Variants in TNFSF4 observed in about 807,000 individuals in gnomAD.
TNFSF4 encodes the protein tumor necrosis factor ligand superfamily member 4.
TNFSF4 carries 4 observed loss-of-function variants against 7.3 expected under a neutral mutation model. The observed-to-expected ratio is 0.55, with a 90% CI of 0.27 to 1.25. The LOEUF (loss-of-function observed/expected upper bound fraction) is 1.25, where lower values mean the gene tolerates loss of function less well. Ranked by LOEUF, TNFSF4 falls within the 50% of genes most tolerant of loss-of-function variation. The pLI is 0.12. For missense variants in TNFSF4, 181 were observed against 208.8 expected (o/e 0.87, Z 0.82); for synonymous variants, 76 against 83.7 (o/e 0.91, Z 0.50).
At chr1:173,193,678 A>T (rs1348186244) in intron 1 of TNFSF4, among the ~76,000 whole-genome samples, 4 of 151,148 alleles carry the variant, frequency 2.6e-5, no homozygotes, top group African/African-American at 9.7e-5. Flanking sequence ...TGCCGTACAG[A>T]TGATTGGCAA....
the TNFSF4 span, among the ~76,000 whole-genome samples, chr1:173,316,792 A>C: frequency 2.3e-3 from 354 of 152,300 alleles, 2 homozygotes; most frequent in African/African-American, 7.9e-3. Context: ...TTACAAGGTC[A>C]TATTTCTTAA....
intron 1 of TNFSF4, among the ~76,000 whole-genome samples, chr1:173,196,688 C>T (rs1248572882): frequency 2.0e-5 from 3 of 152,132 alleles, no homozygotes; most frequent in African/African-American, 7.2e-5. Context: ...TCAAATCAAC[C>T]AAAAGTATCC....
chr1:173,334,394 C>T, the TNFSF4 span, among the ~76,000 whole-genome samples: 2 of 152,300 alleles, frequency 1.3e-5, no homozygotes, highest in African/African-American at 4.8e-5. Flanking sequence ...GCCACTTGAT[C>T]CTGTCAAGGT....
chr1:173,368,992 A>C, the TNFSF4 span, among the ~76,000 whole-genome samples: 2 of 152,124 alleles, frequency 1.3e-5, no homozygotes, highest in African/African-American at 4.8e-5. Context: ...AGATATAATT[A>C]TTGCCCAAAG....
At chr1:173,282,297 T>C in the TNFSF4 span, among the ~76,000 whole-genome samples, 1 of 152,020 alleles carries the variant, frequency 6.6e-6, no homozygotes. Context: ...CAAAATATCA[T>C]ATGCACCCCA....
At chr1:173,247,546 G>T in the TNFSF4 span, among the ~76,000 whole-genome samples, 1 of 152,190 alleles carries the variant, frequency 6.6e-6, no homozygotes, top group Non-Finnish European at 1.5e-5. Context: ...AGTGGCCACT[G>T]AATTCATCTT....
At chr1:173,204,077 T>C (rs1202374595) in intron 1 of TNFSF4, among the ~76,000 whole-genome samples, 3 of 152,222 alleles carry the variant, frequency 2.0e-5, no homozygotes, top group Non-Finnish European at 4.4e-5. Flanking sequence ...ATGTACAGAA[T>C]ATATAACTTA....
At chr1:173,430,428 G>A in the TNFSF4 span, among the ~76,000 whole-genome samples, 1 of 152,144 alleles carries the variant, frequency 6.6e-6, no homozygotes, top group Admixed American at 6.5e-5. Flanking sequence ...AGTTAGTTGA[G>A]ACAATAAACA....
chr1:173,385,559 T>C, the TNFSF4 span, among the ~76,000 whole-genome samples: 1 of 152,192 alleles, frequency 6.6e-6, no homozygotes, highest in African/African-American at 2.4e-5. Context: ...AACAAGCTAG[T>C]AGAGATTTTG....
At chr1:173,232,001 G>A in the TNFSF4 span, among the ~76,000 whole-genome samples, 14 of 152,140 alleles carry the variant, frequency 9.2e-5, no homozygotes, top group Non-Finnish European at 1.3e-4. Flanking sequence ...CCAATTCTGT[G>A]AAGAAAGTCA....
chr1:173,322,073 A>G, the TNFSF4 span, among the ~76,000 whole-genome samples: 1 of 152,236 alleles, frequency 6.6e-6, no homozygotes, highest in African/African-American at 2.4e-5. Context: ...CCAAACGCCG[A>G]TTAATAATAG....
chr1:173,290,135 A>AAC, the TNFSF4 span, among the ~76,000 whole-genome samples: 1 of 152,164 alleles, frequency 6.6e-6, no homozygotes, highest in Non-Finnish European at 1.5e-5. Context: ...CCACCACAAA[A>AAC]ACACACTCAA....
the TNFSF4 span, among the ~76,000 whole-genome samples, chr1:173,281,616 T>C: frequency 2.6e-5 from 4 of 152,192 alleles, no homozygotes; most frequent in East Asian, 5.8e-4. Flanking sequence ...ATAATGGCTC[T>C]CTTTTTTAAG....
chr1:173,376,325 A>G, the TNFSF4 span, among the ~76,000 whole-genome samples: 7 of 152,214 alleles, frequency 4.6e-5, no homozygotes, highest in Non-Finnish European at 8.8e-5. Flanking sequence ...CATTCTCAGC[A>G]AAGTAATACA....
At chr1:173,330,951 C>G in the TNFSF4 span, among the ~76,000 whole-genome samples, 1 of 149,456 alleles carries the variant, frequency 6.7e-6, no homozygotes, top group African/African-American at 2.5e-5. Context: ...ATGGCGCGAT[C>G]TCGGCTCACT....
the TNFSF4 span, among the ~76,000 whole-genome samples, chr1:173,275,556 C>CA: frequency 6.6e-6 from 1 of 152,138 alleles, no homozygotes; most frequent in South Asian, 2.1e-4. Flanking sequence ...GTTGGCCATT[C>CA]AAAATAATCT....
chr1:173,402,699 C>T, the TNFSF4 span, among the ~76,000 whole-genome samples: 2,161 of 152,302 alleles, frequency 0.014, 54 homozygotes, highest in African/African-American at 0.049. Flanking sequence ...AGCTTAGGCA[C>T]ATGGCAGAGA....
chr1:173,276,969 A>C, the TNFSF4 span, among the ~76,000 whole-genome samples: 9 of 152,182 alleles, frequency 5.9e-5, no homozygotes, highest in Non-Finnish European at 1.2e-4. Context: ...ACAAGTACAC[A>C]AAATTACACT....
the TNFSF4 span, among the ~76,000 whole-genome samples, chr1:173,275,443 A>G: frequency 6.6e-6 from 1 of 152,322 alleles, no homozygotes; most frequent in East Asian, 1.9e-4. Flanking sequence ...TGGAAAAGAT[A>G]GTCTGGAACT....
Sources: allele counts gnomAD v4.1 joint callset (sites outside exome capture counted in the v4.1 genomes callset), GRCh38; gene constraint gnomAD v4.1.1; transcripts MANE v1.5; gene names NCBI Gene and HGNC (gene_info 2026-07-23, HGNC 2026-07-21).